Variants in TCF4 observed in about 807,000 individuals in gnomAD.
TCF4 encodes SL3-3 enhancer factor 2.
Under a neutral mutation model 82.1 loss-of-function variants are expected in TCF4, and 3 were observed. The observed-to-expected ratio is 0.04, with a 90% CI of 0.02 to 0.09. The LOEUF (loss-of-function observed/expected upper bound fraction) is 0.09, where lower values mean the gene tolerates loss of function less well. Ranked by LOEUF, TCF4 falls within the 10% of genes least tolerant of loss-of-function variation. TCF4 has a pLI of 1.00. For synonymous variants in TCF4, 276 were observed against 309.6 expected, an observed-to-expected ratio of 0.89 and a Z score of 1.14; for missense variants, 518 against 852.7, an observed-to-expected ratio of 0.61 and a Z score of 4.89.
At chr18:55,561,280 T>C (rs1015921731) in intron 3 of TCF4, among the ~76,000 whole-genome samples, 5 of 152,338 alleles carry the variant, frequency 3.3e-5, no homozygotes, top group Admixed American at 2.6e-4. Context: ...TGAGAACTTA[T>C]CATACAATAG....
At chr18:55,257,178 T>C in intron 14 of TCF4, 137 bp downstream of exon 14, 2 of 858,038 alleles carry the variant, frequency 2.3e-6, no homozygotes, top group South Asian at 3.0e-5. Context: ...TGACTCTGGC[T>C]CCCGCAAACC....
intron 15 of TCF4, among the ~76,000 whole-genome samples, chr18:55,246,026 G>T (rs193025841): frequency 2.0e-5 from 3 of 152,144 alleles, no homozygotes; most frequent in East Asian, 1.9e-4. Flanking sequence ...AGAAAATAAG[G>T]GTAATATTGC....
chr18:55,276,846 G>GT (rs2061578858), intron 9 of TCF4, among the ~76,000 whole-genome samples: 1 of 152,180 alleles, frequency 6.6e-6, no homozygotes, highest in Non-Finnish European at 1.5e-5. Flanking sequence ...ATCTGACACT[G>GT]TATTTCGTGA....
At chr18:55,502,503 T>C (rs892772966) in intron 3 of TCF4, among the ~76,000 whole-genome samples, 5 of 152,168 alleles carry the variant, frequency 3.3e-5, no homozygotes, top group African/African-American at 9.6e-5. Flanking sequence ...CCTTGGTAAC[T>C]ACATAACAAA....
chr18:55,621,132 TTACA>T (rs2097717540), intron 2 of TCF4, among the ~76,000 whole-genome samples: 2 of 151,884 alleles, frequency 1.3e-5, no homozygotes, highest in African/African-American at 2.4e-5. Flanking sequence ...AGACTCTATC[TTACA>T]TTTCTTCATA....
At chr18:55,404,007 C>G in intron 5 of TCF4, 1 of 1,208,584 alleles carries the variant, frequency 8.3e-7, no homozygotes, top group Non-Finnish European at 1.0e-6. Context: ...CTCTCTCTCT[C>G]TCTTTTTTAA....
At chr18:55,599,254 C>T (rs2097694187) in intron 2 of TCF4, among the ~76,000 whole-genome samples, 1 of 152,182 alleles carries the variant, frequency 6.6e-6, no homozygotes, top group African/African-American at 2.4e-5. Context: ...ATATTTCCTT[C>T]CATGATCCAA....
chr18:55,616,949 AC>A (rs2097712743), intron 2 of TCF4, among the ~76,000 whole-genome samples: 2 of 151,934 alleles, frequency 1.3e-5, no homozygotes, highest in Non-Finnish European at 2.9e-5. Context: ...ATGTAGTTCT[AC>A]TTGTCCATTT....
In TCF4 at chr18:55,227,897, C is replaced by A; in HGVS notation, c.*138G>T. The A allele has an allele frequency of 4.1e-6, 1 of 243,836 alleles. No homozygotes were observed. The highest frequency in any genetic ancestry group is 8.1e-6 in the Non-Finnish European group (1 of 123,488). 15.1% of individuals were successfully genotyped at this position (243,836 alleles called of 1,614,324 possible). On this transcript the variant is annotated 3_prime_UTR_variant, in exon 20 of 20. Transcript: ENST00000354452. ...GGAATGCTGAAACCTCTTGCGTCTGCGATTCATAACTACTCAGACTTGTCT... is the reference window on the plus strand; with the variant it reads ...GGAATGCTGAAACCTCTTGCGTCTGAGATTCATAACTACTCAGACTTGTCT...
chr18:55,259,127 G>A (rs2057501609), intron 13 of TCF4, among the ~76,000 whole-genome samples: 1 of 152,106 alleles, frequency 6.6e-6, no homozygotes. Context: ...CTGCATGCAG[G>A]AAATAACAAA....
intron 8 of TCF4, among the ~76,000 whole-genome samples, chr18:55,296,503 C>T (rs936813978): frequency 5.3e-5 from 8 of 152,288 alleles, no homozygotes; most frequent in Middle Eastern, 3.4e-3. Context: ...AGTCTATGAT[C>T]GGGCTTCTAC....
At chr18:55,515,783 A>G (rs534796626) in intron 3 of TCF4, among the ~76,000 whole-genome samples, 14 of 152,284 alleles carry the variant, frequency 9.2e-5, no homozygotes, top group Middle Eastern at 3.4e-3. Flanking sequence ...AACAAAATGA[A>G]GAGAAAAGTT....
chr18:55,553,983 A>T (rs987009822), intron 3 of TCF4, among the ~76,000 whole-genome samples: 3 of 152,294 alleles, frequency 2.0e-5, no homozygotes. Flanking sequence ...TTCATTATTA[A>T]ATTTTTGAAA....
At chr18:55,299,425 A>T (rs1338408107) in intron 8 of TCF4, among the ~76,000 whole-genome samples, 1 of 147,540 alleles carries the variant, frequency 6.8e-6, no homozygotes, top group Non-Finnish European at 1.5e-5. Context: ...GAAAAAAACA[A>T]GCTTTCTTGG....
intron 6 of TCF4, among the ~76,000 whole-genome samples, chr18:55,364,633 G>T (rs1400838212): frequency 6.6e-6 from 1 of 152,208 alleles, no homozygotes; most frequent in East Asian, 1.9e-4. Context: ...TTTGTTTACT[G>T]CAGGATAAAG....
intron 11 of TCF4, among the ~76,000 whole-genome samples, chr18:55,262,964 G>A (rs1391494715): frequency 6.6e-6 from 1 of 151,878 alleles, no homozygotes; most frequent in African/African-American, 2.4e-5. Context: ...ACGCCACCAC[G>A]CCAAGTAATT....
Position 55,365,217 on chromosome 18 carries a change from ATG to A in TCF4, c.370-14216_370-14215del, listed in dbSNP as rs573120268. ...TGTGTGTGTGTGTGTGTGTATATAT[ATG>A]TGTGTGTGTGTGTGTATATATATGT... is the stretch of plus-strand genomic sequence containing the variant. On this transcript the variant is annotated intron_variant, in intron 6 of 19. Transcript: ENST00000354452. Among the ~76,000 whole-genome samples the A allele has an allele frequency of 6.3e-3, 796 of 125,950 alleles. 5 individuals carry two copies. The highest frequency in any genetic ancestry group is 0.012 in the African/African-American group (344 of 29,054). The allele number at this position is 125,950 out of a possible 152,430, so 82.6% of individuals were successfully genotyped here. A position where few individuals can be genotyped will look rare whatever the true frequency, so the allele number is the denominator to read the frequency against.
chr18:55,605,335 C>T (rs773945504), intron 2 of TCF4, among the ~76,000 whole-genome samples: 9 of 152,194 alleles, frequency 5.9e-5, no homozygotes, highest in Non-Finnish European at 1.3e-4. Flanking sequence ...TGGCCTGTAA[C>T]GAAACTTGGT....
intron 2 of TCF4, among the ~76,000 whole-genome samples, chr18:55,598,474 CT>C (rs1373272411): frequency 6.6e-6 from 1 of 152,072 alleles, no homozygotes; most frequent in Non-Finnish European, 1.5e-5. Context: ...TGCCATTGGC[CT>C]TTTTTCACAA....
Sources: allele counts gnomAD v4.1 joint callset (sites outside exome capture counted in the v4.1 genomes callset), GRCh38; gene constraint gnomAD v4.1.1; transcripts MANE v1.5; gene names NCBI Gene and HGNC (gene_info 2026-07-23, HGNC 2026-07-21).